The following ACOT1 variants were observed in gnomAD, a reference collection of about 807,000 sequenced individuals.
ACOT1 encodes the protein acyl-CoA thioesterase 1.
Under a neutral mutation model 15.7 loss-of-function variants are expected in ACOT1, and 8 were observed. The ratio of observed to expected loss-of-function variants is 0.51; its 90% CI spans 0.30 to 0.92. The LOEUF is 0.92. Among genes scored for constraint, ACOT1 ranks in the 40% least tolerant of loss-of-function variants. ACOT1 has a pLI of 0.06. For missense variants in ACOT1, 151 were observed against 539.4 expected (o/e 0.28, Z 7.13); for synonymous variants, 67 against 241.2 (o/e 0.28, Z 6.69).
At chr14:73,506,815 T>TTTTGTTTTTTTTTTTTG in the ACOT1 span, among the ~76,000 whole-genome samples, 12 of 135,630 alleles carry the variant, frequency 8.8e-5, no homozygotes, top group African/African-American at 3.5e-4. Context: ...TTTTTTTTTT[T>TTTTGTTTTTTTTTTTTG]TTTTTTTTTT....
the ACOT1 span, among the ~76,000 whole-genome samples, chr14:73,511,476 G>A: frequency 2.7e-5 from 4 of 150,904 alleles, no homozygotes; most frequent in South Asian, 2.1e-4. Context: ...CAGAGATCGC[G>A]CCACTGCACT....
chr14:73,492,290 C>T, the ACOT1 span: 1 of 1,614,030 alleles, frequency 6.2e-7, no homozygotes. This position sits in a 1 kb window ranked among gnomAD's most constrained non-coding sequence, Gnocchi z 4.9. Context: ...CACGTACCAG[C>T]GCAATACCTG....
the ACOT1 span, among the ~76,000 whole-genome samples, chr14:73,509,119 G>A: frequency 1.3e-5 from 2 of 152,034 alleles, no homozygotes; most frequent in African/African-American, 4.8e-5. Flanking sequence ...CTGTCGCCTT[G>A]GCCTCCCAAA....
At chr14:73,509,252 A>G in the ACOT1 span, 2 of 1,509,878 alleles carry the variant, frequency 1.3e-6, no homozygotes, top group Non-Finnish European at 1.8e-6. Flanking sequence ...GGACTGGGAA[A>G]GCTGATAGTG....
At chr14:73,515,279 T>G in the ACOT1 span, among the ~76,000 whole-genome samples, 2 of 152,140 alleles carry the variant, frequency 1.3e-5, no homozygotes, top group Non-Finnish European at 2.9e-5. Context: ...GCCATTTCTG[T>G]TTTTTTCCAA....
the ACOT1 span, chr14:73,491,008 TG>T: frequency 7.1e-7 from 1 of 1,416,200 alleles, no homozygotes. Context: ...AAGACTGGTG[TG>T]GTCTGGCCAT....
the ACOT1 span, among the ~76,000 whole-genome samples, chr14:73,526,330 C>T: frequency 6.6e-6 from 1 of 152,206 alleles, no homozygotes; most frequent in Non-Finnish European, 1.5e-5. Context: ...CCAAAGTGGC[C>T]TGGGGCCCTG....
the ACOT1 span, chr14:73,498,007 A>T: frequency 1.5e-6 from 1 of 658,568 alleles, no homozygotes; most frequent in Non-Finnish European, 2.6e-6. Context: ...TTTTTCAGTT[A>T]CCTACTTGGG....
the ACOT1 span, chr14:73,492,523 C>T: frequency 4.3e-6 from 7 of 1,613,502 alleles, no homozygotes; most frequent in Admixed American, 1.7e-5. This position sits in a 1 kb window ranked among gnomAD's most constrained non-coding sequence, Gnocchi z 4.9. Flanking sequence ...ACCAGCGAGC[C>T]AAAGACTTCA....
chr14:73,536,986 GTT>G (rs544641623), upstream of ACOT1: 4 of 77,462 alleles, frequency 5.2e-5, no homozygotes, highest in African/African-American at 7.1e-5. Flanking sequence ...GGTTGTTGTT[GTT>G]TTTTTTTTTT....
chr14:73,504,099 C>T, the ACOT1 span, among the ~76,000 whole-genome samples: 8 of 135,978 alleles, frequency 5.9e-5, no homozygotes, highest in Admixed American at 1.5e-4. Flanking sequence ...TTTTTTGAGA[C>T]GGAGTTTCAC....
the ACOT1 span, chr14:73,495,268 T>C: frequency 6.2e-7 from 1 of 1,614,104 alleles, no homozygotes; most frequent in African/African-American, 1.3e-5. Flanking sequence ...GTGTTAGTGG[T>C]CCTTGTTCTC....
the ACOT1 span, among the ~76,000 whole-genome samples, chr14:73,498,733 T>C: frequency 6.6e-6 from 1 of 152,240 alleles, no homozygotes; most frequent in South Asian, 2.1e-4. Flanking sequence ...GTCTTGAAAC[T>C]GATCTGACTT....
At chr14:73,505,393 GT>G in the ACOT1 span, among the ~76,000 whole-genome samples, 7 of 141,364 alleles carry the variant, frequency 5.0e-5, 1 homozygote, top group Admixed American at 3.4e-4. Flanking sequence ...TTTTTGTTTT[GT>G]TTTTTTTTGT....
At chr14:73,500,594 C>T in the ACOT1 span, 1 of 1,613,898 alleles carries the variant, frequency 6.2e-7, no homozygotes. Flanking sequence ...AAACAGGCTG[C>T]CCGCCGAACT....
chr14:73,505,372 G>A, the ACOT1 span, among the ~76,000 whole-genome samples: 3,043 of 151,784 alleles, frequency 0.02, 118 homozygotes, highest in African/African-American at 0.07. Context: ...GTGAAAGTTG[G>A]GACAATGGTT....
At chr14:73,524,310 A>AAAAAAAAAAATATATATATATATAT in the ACOT1 span, among the ~76,000 whole-genome samples, 3 of 54,786 alleles carry the variant, frequency 5.5e-5, no homozygotes, top group African/African-American at 8.8e-5. Context: ...AAAAAAAAAA[A>AAAAAAAAAAATATATATATATATAT]ATATATATAT....
chr14:73,506,517 G>A, the ACOT1 span: 12 of 1,613,736 alleles, frequency 7.4e-6, no homozygotes, highest in Non-Finnish European at 9.3e-6. Flanking sequence ...GCCACAATCC[G>A]GTTCTTCCAT....
At chr14:73,496,561 C>T in the ACOT1 span, 1 of 1,278,888 alleles carries the variant, frequency 7.8e-7, no homozygotes, top group Middle Eastern at 1.9e-4. Flanking sequence ...TCTTGAGAGT[C>T]CTGAATTTTC....
Sources: gnomAD v4.1 joint callset for allele counts (sites outside exome capture counted in the v4.1 genomes callset) on GRCh38, gnomAD v4.1.1 for gene constraint, Gnocchi (gnomAD v3.1) non-coding constraint, MANE v1.5 for transcripts, NCBI Gene and HGNC (gene_info 2026-07-23, HGNC 2026-07-21) for gene names.